Variants in F5 observed in about 807,000 individuals in gnomAD.
F5 encodes the protein activated protein c cofactor.
Under a neutral mutation model 216.4 loss-of-function variants are expected in F5, and 138 were observed. The ratio of observed to expected loss-of-function variants is 0.64; its 90% CI spans 0.56 to 0.73. The LOEUF is 0.73. Ranked by LOEUF, F5 falls within the 30% of genes least tolerant of loss-of-function variation. The pLI is 0.00. For synonymous variants in F5, 916 were observed against 930.7 expected (o/e 0.98, Z 0.29); for missense variants, 2,403 against 2,674.0 (o/e 0.90, Z 2.24).
In F5 at chr1:169,554,401, G is replaced by A. The variant is rs74124513; in HGVS notation, c.1118+781C>T. Among the ~76,000 whole-genome samples the A allele has an allele frequency of 7.2e-3, 1,093 of 152,108 alleles. 10 individuals carry two copies. The highest frequency in any genetic ancestry group is 0.025 in the African/African-American group (1,041 of 41,486). On this transcript the variant is annotated intron_variant, in intron 7 of 24. Coordinates refer to ENST00000367797, the MANE Select transcript of F5 (RefSeq NM_000130.5). ...AGTGTTTGCATCCTCTTTTTTTGAT[G>A]CTTAGTATTCCATTGTATGAATGTA... is the stretch of plus-strand genomic sequence containing the variant.
rs144717305 is a variant in F5 at position 169,528,147 on chromosome 1, C to T, written c.5420-53G>A. On this transcript the variant is annotated intron_variant, in intron 16 of 24. Transcript: ENST00000367797. ...TAAAAATCTGTTGACACAGAGAGGG[C>T]GAGTGGTAAGGAAATATGGGGCAAC... is the stretch of plus-strand genomic sequence containing the variant. 48 of 1,604,822 alleles carry T rather than the reference C, an allele frequency of 3.0e-5. No individual in the cohort carries two copies. The South Asian group carries it at 3.3e-4, about 11-fold the overall frequency.
At chr1:169,583,925 G>T (rs1363219990) in intron 1 of F5, among the ~76,000 whole-genome samples, 1 of 152,234 alleles carries the variant, frequency 6.6e-6, no homozygotes, top group African/African-American at 2.4e-5. Flanking sequence ...GGTGCTGAGG[G>T]AAAGGGGAAA....
chr1:169,550,666 T>A lies in F5; in HGVS notation c.1370A>T (p.Asp457Val), dbSNP rs746918366. ...PHGVTFSPYEDEVNSSFTSGR... is the reference protein window; with the variant it reads ...PHGVTFSPYEVEVNSSFTSGR... The stretch of plus-strand genomic sequence containing the variant: ...TGAGGTGAAAGAAGAGTTGACTTCA[T>A]CTTCATAAGGCGAGAAGGTCACTCC... The change falls in exon 9 of 25, where the codon GAT (aspartate) becomes GTT (valine). Residue 457 changes from aspartate (D) to valine (V), a missense_variant. Physicochemically the swap from Asp to Val is radical, Grantham distance 152. This residue lies in a region of F5 where 1,425 missense variants were observed against 1,554.8 expected (regional missense o/e 0.92). Transcript: ENST00000367797. The A allele has an allele frequency of 6.2e-6, 10 of 1,614,014 alleles. No individual in the cohort carries two copies. Among genetic ancestry groups the A allele is most frequent in the Non-Finnish European group, 7.6e-6 (9 of 1,179,902 alleles).
In F5 at chr1:169,546,608, G is replaced by A; in HGVS notation, c.1612-16C>T. ...CTGCTGCCCTCTGGAGGACAAAACAGTATAGTACTGGTACAAGAACAGACG... is the reference window on the plus strand; with the variant it reads ...CTGCTGCCCTCTGGAGGACAAAACAATATAGTACTGGTACAAGAACAGACG... On this transcript the variant is annotated splice_polypyrimidine_tract_variant and intron_variant, in intron 10 of 24. Transcript: ENST00000367797. 1 of 1,612,628 alleles carries A rather than the reference G, an allele frequency of 6.2e-7. No individual in the cohort carries two copies. Among genetic ancestry groups the A allele is most frequent in the Non-Finnish European group, 8.5e-7 (1 of 1,178,690 alleles).
At position 169,555,360 on chromosome 1, in the gene F5, A is replaced by G. The variant is rs772543208; in HGVS notation, c.953-13T>C. 9.9e-6 allele frequency: 16 copies of G among 1,613,758 alleles called. No homozygotes were observed. Among genetic ancestry groups the G allele is most frequent in the Non-Finnish European group, 1.4e-5 (16 of 1,179,832 alleles). On this transcript the variant is annotated splice_polypyrimidine_tract_variant and intron_variant, in intron 6 of 24. Coordinates refer to ENST00000367797, the MANE Select transcript of F5 (RefSeq NM_000130.5). ...GCCTGCATCCCAGCTGAGTTAGGACAGAAAGACAATGAAATAACTCAAGAG... is the reference window on the plus strand; with the variant it reads ...GCCTGCATCCCAGCTGAGTTAGGACGGAAAGACAATGAAATAACTCAAGAG...
rs1411894422 is a variant in F5, at chr1:169,579,343, G to T, written c.250+3088C>A. ...TTTCTTGGCTCATCCCTTGGACTTT[G>T]CTGCTACTTTGAGCTCTGTCTGCAG... is the stretch of plus-strand genomic sequence containing the variant. On this transcript the variant is annotated intron_variant, in intron 2 of 24. Coordinates refer to ENST00000367797, the MANE Select transcript of F5 (RefSeq NM_000130.5). 2.0e-5 allele frequency among the ~76,000 whole-genome samples: 3 copies of T among 152,218 alleles called. No homozygotes were observed. In the East Asian group the frequency reaches 5.8e-4, roughly 29 times the overall value.
intron 7 of F5, among the ~76,000 whole-genome samples, chr1:169,553,721 C>CA (rs933365034): frequency 2.6e-5 from 4 of 151,864 alleles, no homozygotes; most frequent in African/African-American, 4.8e-5. Context: ...GACTCCGTCT[C>CA]AAAAAAAGAA....
At chr1:169,558,682 GA>G (rs1171097293) in intron 5 of F5, among the ~76,000 whole-genome samples, 2 of 152,130 alleles carry the variant, frequency 1.3e-5, no homozygotes, top group Non-Finnish European at 2.9e-5. Context: ...AATGCAAATG[GA>G]AAGAGAAAAT....
chr1:169,585,100 G>A (rs1408617127), intron 1 of F5, among the ~76,000 whole-genome samples: 2 of 152,180 alleles, frequency 1.3e-5, no homozygotes, highest in Non-Finnish European at 2.9e-5. Context: ...TATTTTCCTT[G>A]GGGTTTTAGC....
chr1:169,524,091 G>A (rs1659373625), intron 19 of F5, among the ~76,000 whole-genome samples, 187 bp from the exon 20 acceptor site: 2 of 152,162 alleles, frequency 1.3e-5, no homozygotes, highest in Admixed American at 1.3e-4. Flanking sequence ...TCTGTGTTTG[G>A]TCAACTGCCA....
chr1:169,557,577 A>G lies in F5; in HGVS notation c.731-710T>C, dbSNP rs527655592. ...GGAGTAGTGATAACTGAATATAAAA[A>G]CTTAGTTTTGCTCCTTCTTTGCTCC... On this transcript the variant is annotated intron_variant, in intron 5 of 24. Coordinates refer to ENST00000367797, the MANE Select transcript of F5 (RefSeq NM_000130.5). 2.0e-5 allele frequency among the ~76,000 whole-genome samples: 3 copies of G among 152,166 alleles called. No homozygotes were observed. In the East Asian group the frequency reaches 5.8e-4, roughly 29 times the overall value.
At chr1:169,538,717 T>C (rs528922630) in intron 13 of F5, among the ~76,000 whole-genome samples, 68 of 152,322 alleles carry the variant, frequency 4.5e-4, no homozygotes, top group African/African-American at 1.6e-3. Context: ...ATTCCATTTA[T>C]GTAATATTCT....
Position 169,526,041 on chromosome 1 carries a change from C to A in F5, c.5600-24G>T, listed in dbSNP as rs779098972. On this transcript the variant is annotated intron_variant, in intron 17 of 24. Coordinates refer to ENST00000367797, the MANE Select transcript of F5 (RefSeq NM_000130.5). ...ACCTAAAATAAAAAGAACAACATTA[C>A]ATTTGCAAAAATTAACAAGTAAATA... 4.0e-6 allele frequency: 6 copies of A among 1,515,494 alleles called. 1 individual carries two copies. The South Asian group carries it at 6.7e-5, about 17-fold the overall frequency. The allele number at this position is 1,515,494 out of a possible 1,614,324, so 93.9% of individuals were successfully genotyped here. A position where few individuals can be genotyped will look rare whatever the true frequency, so the allele number is the denominator to read the frequency against.
chr1:169,552,464 G>T, intron 8 of F5, 93 bp downstream of exon 8: 1 of 1,046,036 alleles, frequency 9.6e-7, no homozygotes, highest in Non-Finnish European at 1.4e-6. Flanking sequence ...AATTATATGA[G>T]CATCTTTTTC....
chr1:169,542,661 A>G lies in F5; in HGVS notation c.2429T>C (p.Leu810Pro). The G allele has an allele frequency of 6.2e-7, 1 of 1,614,132 alleles. No individual in the cohort carries two copies. The highest frequency in any genetic ancestry group is 1.1e-5 in the South Asian group (1 of 91,086). The change falls in exon 13 of 25, where the codon CTG (leucine) becomes CCG (proline). Residue 810 changes from leucine (L) to proline (P), a missense_variant. Physicochemically the swap from Leu to Pro is moderately conservative, Grantham distance 98. Transcript: ENST00000367797. The part of the protein sequence containing the change: ...HQQATTAGSP[L>P]RHLIGKNSVL... ...TGAGTTCTTGCCAATGAGGTGTCTC[A>G]GTGGGGAACCAGCTGTGGTGGCTTG... is the stretch of plus-strand genomic sequence containing the variant.
intron 14 of F5, 97 bp from the exon 15 acceptor site, chr1:169,531,119 T>C: frequency 1.1e-6 from 1 of 888,576 alleles, no homozygotes; most frequent in Non-Finnish European, 1.9e-6. Context: ...GGTTATAAAA[T>C]CGGAGCTAAG....
In F5 at chr1:169,514,249, T is replaced by C. The variant is rs1659103265; in HGVS notation, c.*64A>G. ...AACATTTAACACAGCGTAAAATACA[T>C]TGCCCATTCTAAATGGTTTGAGGTC... On this transcript the variant is annotated 3_prime_UTR_variant, in exon 25 of 25. Coordinates refer to ENST00000367797, the MANE Select transcript of F5 (RefSeq NM_000130.5). The C allele has an allele frequency of 2.0e-6, 3 of 1,483,628 alleles. No homozygotes were observed. Among genetic ancestry groups the C allele is most frequent in the South Asian group, 2.3e-5 (2 of 88,332 alleles). The allele number at this position is 1,483,628 out of a possible 1,614,324, so 91.9% of individuals were successfully genotyped here. A position where few individuals can be genotyped will look rare whatever the true frequency, so the allele number is the denominator to read the frequency against.
chr1:169,546,966 T>TA (rs11363133), intron 10 of F5, among the ~76,000 whole-genome samples: 3,454 of 129,890 alleles, frequency 0.027, 148 homozygotes, highest in African/African-American at 0.094. Context: ...CCGTCTCTAC[T>TA]AAAAAAAAAA....
At chr1:169,565,630 A>G (rs530278330) in intron 3 of F5, among the ~76,000 whole-genome samples, 35 of 152,230 alleles carry the variant, frequency 2.3e-4, no homozygotes, top group African/African-American at 8.4e-4. Flanking sequence ...TTAAAAAACA[A>G]AAACCTGGAG....
Sources: allele counts gnomAD v4.1 joint callset (sites outside exome capture counted in the v4.1 genomes callset), GRCh38; gene constraint gnomAD v4.1.1; regional missense constraint gnomAD v4.1.1; transcripts MANE v1.5; gene names NCBI Gene and HGNC (gene_info 2026-07-23, HGNC 2026-07-21).